The following XG variants were observed in gnomAD, a reference collection of about 807,000 sequenced individuals.
The protein encoded by XG is Xg glycoprotein (Xg blood group), also known as glycoprotein Xg.
A neutral mutation model predicts 25.7 loss-of-function variants in XG; 24 were observed. The observed-to-expected ratio is 0.93, with a 90% CI of 0.68 to 1.31. XG has a LOEUF of 1.31. XG is among the 40% of genes most tolerant of loss of function. The pLI is 0.00. For synonymous variants in XG, 77 were observed against 69.2 expected, an observed-to-expected ratio of 1.11 and a Z score of -0.56; for missense variants, 181 against 187.6, an observed-to-expected ratio of 0.96 and a Z score of 0.21.
Position 2,767,278 on chromosome X carries a change from T to A in XG, c.62-3272T>A, listed in dbSNP as rs193033114. Among the ~76,000 whole-genome samples, 217 of 152,176 alleles carry A rather than the reference T, an allele frequency of 1.4e-3. 2 individuals are homozygous for A. The highest frequency in any genetic ancestry group is 4.6e-3 in the African/African-American group (191 of 41,506). On this transcript the variant is annotated intron_variant, in intron 1 of 10. Transcript: ENST00000644266. ...TTCAAAGTGCTGTATCACATGGCTT[T>A]GCTCCGAAGGGTCCCGAGCACAGCT... is the stretch of plus-strand genomic sequence containing the variant.
intron 1 of XG, among the ~76,000 whole-genome samples, chrX:2,754,898 G>GATCA: frequency 6.6e-6 from 1 of 152,244 alleles, no homozygotes; most frequent in Non-Finnish European, 1.5e-5. Context: ...ACACACCCAG[G>GATCA]ATCAATACTT....
At chrX:2,801,998 C>T (rs778363259) in intron 7 of XG, among the ~76,000 whole-genome samples, 3 of 111,732 alleles carry the variant, frequency 2.7e-5, no homozygotes, top group East Asian at 5.6e-4. Context: ...TGAGCCACCG[C>T]GCCCGGCCAC....
At position 2,753,510 on chromosome X, in the gene XG, C is replaced by A. The variant is rs1280855531; in HGVS notation, c.61+1175C>A. Among the ~76,000 whole-genome samples the A allele has an allele frequency of 1.3e-5, 2 of 152,122 alleles. 1 individual carries two copies. Among genetic ancestry groups the A allele is most frequent in the African/African-American group, 4.8e-5 (2 of 41,428 alleles). Reference sequence around the variant, plus strand: ...GATGGTTCAATTTAAGATTTTTCAACTTTACAACGGTGTAAAATTGGTATG... The same window carrying A: ...GATGGTTCAATTTAAGATTTTTCAAATTTACAACGGTGTAAAATTGGTATG... On this transcript the variant is annotated intron_variant, in intron 1 of 10. Transcript: ENST00000644266.
In XG at chrX:2,789,697, A is replaced by G; in HGVS notation, c.244A>G (p.Asn82Asp). ...TCAACCCCAGCCTGGCAATTCCGGC[A>G]ACAGTGGAGGTAATGAGTATTTATT... ...RPQPQPGNSG[N>D]SGGYFNDVDR... The change falls in exon 5 of 11, where the codon AAC (asparagine) becomes GAC (aspartate). Residue 82 changes from asparagine to aspartate, a missense_variant. By Grantham distance (23) the Asn-to-Asp change is conservative (BLOSUM62 1). Coordinates refer to ENST00000644266, the MANE Select transcript of XG (RefSeq NM_001141919.2). 1 of 1,123,483 alleles carries G rather than the reference A, an allele frequency of 8.9e-7. No individual in the cohort carries two copies. Among genetic ancestry groups the G allele is most frequent in the Non-Finnish European group, 1.2e-6 (1 of 843,598 alleles). 92.6% of individuals were successfully genotyped at this position (1,123,483 alleles called of 1,213,427 possible).
At chrX:2,774,006 C>A (rs756125808) in intron 2 of XG, among the ~76,000 whole-genome samples, 2 of 149,748 alleles carry the variant, frequency 1.3e-5, no homozygotes, top group African/African-American at 4.9e-5. Context: ...TGAATGTCCG[C>A]ACCACACACA....
intron 1 of XG, 57 bp downstream of exon 1, chrX:2,752,392 G>T (rs780710864): frequency 6.2e-7 from 1 of 1,611,014 alleles, no homozygotes; most frequent in South Asian, 1.1e-5. Context: ...TTCTATTCTT[G>T]CTTTAAGAAA....
At chrX:2,805,076 T>A (rs1311019514) in intron 7 of XG, among the ~76,000 whole-genome samples, 1 of 112,168 alleles carries the variant, frequency 8.9e-6, no homozygotes, top group Non-Finnish European at 1.9e-5. Context: ...CCGGCTGGGA[T>A]GCAAGCCGCC....
At chrX:2,779,815 T>G (rs904452962) in intron 3 of XG, among the ~76,000 whole-genome samples, 6 of 151,850 alleles carry the variant, frequency 4.0e-5, no homozygotes, top group Non-Finnish European at 8.8e-5. Context: ...CCCAGCTAAT[T>G]TTTGTATTTT....
At chrX:2,763,096 C>A (rs917030795) in intron 1 of XG, among the ~76,000 whole-genome samples, 3 of 152,170 alleles carry the variant, frequency 2.0e-5, no homozygotes, top group African/African-American at 7.2e-5. Context: ...TCAGTGCAAC[C>A]TCCAGCACCT....
chrX:2,767,971 C>T (rs2050736751), intron 1 of XG, among the ~76,000 whole-genome samples: 1 of 152,172 alleles, frequency 6.6e-6, no homozygotes, highest in Non-Finnish European at 1.5e-5. Context: ...TCCCCACCCC[C>T]AATTCCTGTC....
At chrX:2,800,897 C>T (rs2086928668) in intron 7 of XG, among the ~76,000 whole-genome samples, 2 of 106,454 alleles carry the variant, frequency 1.9e-5, no homozygotes, top group African/African-American at 6.9e-5. Flanking sequence ...GTGTAAGTGA[C>T]CCTGGAAGTT....
chrX:2,768,964 C>T (rs1015186840), intron 1 of XG, among the ~76,000 whole-genome samples: 2 of 152,078 alleles, frequency 1.3e-5, no homozygotes, highest in Non-Finnish European at 2.9e-5. Context: ...GTGATGGCAC[C>T]GCCAGCTCCC....
At position 2,807,129 on chromosome X, in the gene XG, G is replaced by GGAA. The variant is rs1378336539; in HGVS notation, c.418+384_418+385insGAA. Among the ~76,000 whole-genome samples, 52 of 9,678 alleles carry GGAA rather than the reference G, an allele frequency of 5.4e-3. No individual in the cohort carries two copies. The Non-Finnish European group carries it at 0.058, about 11-fold the overall frequency. The allele number at this position is 9,678 out of a possible 115,157, so 8.4% of individuals were successfully genotyped here. A position where few individuals can be genotyped will look rare whatever the true frequency, so the allele number is the denominator to read the frequency against. On this transcript the variant is annotated intron_variant, in intron 8 of 10. Coordinates refer to ENST00000644266, the MANE Select transcript of XG (RefSeq NM_001141919.2). Reference sequence around the variant, plus strand: ...GTGGATTTCATGTGCATGTGTGCAAGTGTCTGTGCACACATGTGGATTGAG... The same window carrying GGAA: ...GTGGATTTCATGTGCATGTGTGCAAGGAATGTCTGTGCACACATGTGGATTGAG...
intron 2 of XG, among the ~76,000 whole-genome samples, chrX:2,772,896 T>C (rs2050853312): frequency 6.6e-6 from 1 of 152,084 alleles, no homozygotes; most frequent in South Asian, 2.1e-4. Flanking sequence ...CCCTTCCTCA[T>C]GGGAAGGAAG....
intron 4 of XG, among the ~76,000 whole-genome samples, chrX:2,783,974 G>A (rs188492253): frequency 7.8e-4 from 86 of 110,478 alleles, no homozygotes; most frequent in African/African-American, 2.8e-3. Flanking sequence ...ATTCTGTCTC[G>A]AAAAACCAAA....
chrX:2,755,149 G>A (rs1262397969), intron 1 of XG, among the ~76,000 whole-genome samples: 1 of 152,138 alleles, frequency 6.6e-6, no homozygotes, highest in South Asian at 2.1e-4. Context: ...CCAAGACGGG[G>A]TTCTTGGATC....
chrX:2,775,735 C>A, intron 3 of XG, among the ~76,000 whole-genome samples: 1 of 152,026 alleles, frequency 6.6e-6, no homozygotes, highest in South Asian at 2.1e-4. Flanking sequence ...GTGGGCAGAT[C>A]ATCTGAGGTC....
chrX:2,756,341 GA>G lies in XG; in HGVS notation c.61+4010del, dbSNP rs986535142. ...TGTCATTTATTGAGGGGAAAAAAAA[GA>G]AAATGACAGAGTTCGATAGAAGAAA... On this transcript the variant is annotated intron_variant, in intron 1 of 10. Transcript: ENST00000644266. 2.3e-3 allele frequency among the ~76,000 whole-genome samples: 346 copies of G among 152,192 alleles called. 1 individual carries two copies. Among genetic ancestry groups the G allele is most frequent in the African/African-American group, 7.7e-3 (319 of 41,532 alleles).
chrX:2,768,737 C>T (rs1247471105), intron 1 of XG, among the ~76,000 whole-genome samples: 1 of 152,142 alleles, frequency 6.6e-6, no homozygotes, highest in African/African-American at 2.4e-5. Flanking sequence ...CACTGCACTC[C>T]AGCCTAGGCG....
Sources: allele counts gnomAD v4.1 joint callset (sites outside exome capture counted in the v4.1 genomes callset), GRCh38; gene constraint gnomAD v4.1.1; transcripts MANE v1.5; gene names NCBI Gene and HGNC (gene_info 2026-07-23, HGNC 2026-07-21).